PITPNC1: variants seen among roughly 807,000 people sequenced by gnomAD.
The protein encoded by PITPNC1 is cytoplasmic phosphatidylinositol transfer protein 1.
A neutral mutation model predicts 44.7 loss-of-function variants in PITPNC1; 18 were observed. The ratio of observed to expected loss-of-function variants is 0.40; its 90% confidence interval spans 0.28 to 0.60. The LOEUF (loss-of-function observed/expected upper bound fraction) is 0.60. Among genes scored for constraint, PITPNC1 ranks in the 20% least tolerant of loss-of-function variants. The pLI is 0.39. For missense variants in PITPNC1, 290 were observed against 418.4 expected, an observed-to-expected ratio of 0.69 and a Z score of 2.68; for synonymous variants, 141 against 149.6, an observed-to-expected ratio of 0.94 and a Z score of 0.42.
chr17:67,590,114 C>G (rs1335114259), intron 5 of PITPNC1, among the ~76,000 whole-genome samples: 2 of 152,136 alleles, frequency 1.3e-5, no homozygotes, highest in Non-Finnish European at 2.9e-5. Flanking sequence ...GGGAGTATAC[C>G]TTTTTGAATC....
chr17:67,484,291 G>A (rs1036558536), intron 1 of PITPNC1, among the ~76,000 whole-genome samples: 1 of 152,122 alleles, frequency 6.6e-6, no homozygotes, highest in Non-Finnish European at 1.5e-5. Context: ...GAGAGTTGTT[G>A]TTGGTTCCTA....
chr17:67,584,395 C>T (rs2041281561), intron 5 of PITPNC1, among the ~76,000 whole-genome samples: 1 of 152,120 alleles, frequency 6.6e-6, no homozygotes, highest in Non-Finnish European at 1.5e-5. Flanking sequence ...TCCTTGGAAG[C>T]TGCCTAAAAG....
intron 5 of PITPNC1, among the ~76,000 whole-genome samples, chr17:67,581,758 G>A (rs1483062257): frequency 1.3e-5 from 2 of 152,230 alleles, no homozygotes; most frequent in Non-Finnish European, 2.9e-5. Context: ...TTGCGCCGAG[G>A]CACGGTGGCT....
At chr17:67,422,290 A>G (rs1233880031) in intron 1 of PITPNC1, among the ~76,000 whole-genome samples, 3 of 152,220 alleles carry the variant, frequency 2.0e-5, no homozygotes, top group Non-Finnish European at 2.9e-5. Context: ...TGAGTGGCAT[A>G]TGGAGAGACA....
chr17:67,504,384 T>C (rs1279011905), intron 1 of PITPNC1, among the ~76,000 whole-genome samples: 1 of 152,188 alleles, frequency 6.6e-6, no homozygotes, highest in Non-Finnish European at 1.5e-5. Flanking sequence ...GCAAAACAGG[T>C]CTTATCTAAA....
chr17:67,614,214 T>C (rs1240621311), intron 5 of PITPNC1, among the ~76,000 whole-genome samples: 1 of 152,062 alleles, frequency 6.6e-6, no homozygotes, highest in Non-Finnish European at 1.5e-5. Context: ...GAAGTGGGCT[T>C]TCCCTACTTT....
chr17:67,540,069 C>CATTTTATTTTATTTTATTTT (rs60946208), intron 2 of PITPNC1, among the ~76,000 whole-genome samples: 1 of 144,216 alleles, frequency 6.9e-6, no homozygotes, highest in East Asian at 2.1e-4. Context: ...GTATCTACTA[C>CATTTTATTTTATTTTATTTT]ATTTTATTTT....
intron 6 of PITPNC1, 117 bp downstream of exon 6, chr17:67,632,355 G>C (rs2041981535): frequency 1.5e-6 from 1 of 672,918 alleles, no homozygotes; most frequent in Non-Finnish European, 2.6e-6. Flanking sequence ...GATTCAATTT[G>C]CTTTCGTATC....
chr17:67,599,034 A>G (rs1237325790), intron 5 of PITPNC1, among the ~76,000 whole-genome samples: 1 of 35,688 alleles, frequency 2.8e-5, no homozygotes, highest in Non-Finnish European at 4.9e-5. Context: ...ATATATATAT[A>G]TTTTTTTTTT....
chr17:67,589,967 CAAAAG>C (rs1426081687), intron 5 of PITPNC1, among the ~76,000 whole-genome samples: 3 of 150,180 alleles, frequency 2.0e-5, no homozygotes, highest in Non-Finnish European at 4.4e-5. Flanking sequence ...GACTCTGTCT[CAAAAG>C]GAAAGGAAAG....
At chr17:67,465,950 A>T (rs2039420179) in intron 1 of PITPNC1, among the ~76,000 whole-genome samples, 1 of 144,536 alleles carries the variant, frequency 6.9e-6, no homozygotes, top group Non-Finnish European at 1.5e-5. Flanking sequence ...CATGACTTGC[A>T]TCACAGAGCT....
At chr17:67,386,541 C>T (rs1339258808) in intron 1 of PITPNC1, among the ~76,000 whole-genome samples, 4 of 152,152 alleles carry the variant, frequency 2.6e-5, no homozygotes, top group Non-Finnish European at 5.9e-5. Flanking sequence ...AAGAGCTTCC[C>T]CTCTCCTAGG....
chr17:67,566,889 C>G (rs982654321), intron 4 of PITPNC1, among the ~76,000 whole-genome samples: 1 of 152,236 alleles, frequency 6.6e-6, no homozygotes, highest in Non-Finnish European at 1.5e-5. Flanking sequence ...CAGAGCTAGA[C>G]AGCCTGGCTT....
At chr17:67,679,496 T>C (rs1483507894) in intron 8 of PITPNC1, among the ~76,000 whole-genome samples, 2 of 152,228 alleles carry the variant, frequency 1.3e-5, no homozygotes, top group African/African-American at 4.8e-5. Flanking sequence ...TGGGTAGCTC[T>C]AGATGTCTTT....
chr17:67,409,362 G>C (rs1012102445), intron 1 of PITPNC1, among the ~76,000 whole-genome samples: 1 of 151,998 alleles, frequency 6.6e-6, no homozygotes, highest in East Asian at 1.9e-4. Flanking sequence ...GGGATTACAG[G>C]CGTGAGCCAC....
chr17:67,580,637 G>A lies in PITPNC1; in HGVS notation c.366+2380G>A, dbSNP rs939971878. Among the ~76,000 whole-genome samples the A allele has an allele frequency of 2.0e-5, 3 of 152,064 alleles. 1 individual carries two copies. The highest frequency in any genetic ancestry group is 7.2e-5 in the African/African-American group (3 of 41,414). On this transcript the variant is annotated intron_variant, in intron 5 of 8. Transcript: ENST00000581322. ...ATTACAAGCGTGAGCCACCATGCCT[G>A]GCTGGAAAAAAATTTTTTAAATATC...
At chr17:67,430,778 A>AG (rs1261524990) in intron 1 of PITPNC1, among the ~76,000 whole-genome samples, 1 of 150,240 alleles carries the variant, frequency 6.7e-6, no homozygotes, top group Non-Finnish European at 1.5e-5. Flanking sequence ...ACATAGTGAG[A>AG]CCCTGTCTCT....
intron 1 of PITPNC1, chr17:67,408,929 A>G (rs2038447399): frequency 6.6e-6 from 1 of 152,044 alleles, no homozygotes; most frequent in African/African-American, 2.4e-5. Context: ...CATCTAAGAA[A>G]ACATTCCTGA....
At chr17:67,689,214 TAAATAAATAAAGTA>T (rs985415816) in intron 8 of PITPNC1, among the ~76,000 whole-genome samples, 1 of 150,498 alleles carries the variant, frequency 6.6e-6, no homozygotes, top group African/African-American at 2.5e-5. Flanking sequence ...AATAAATAAA[TAAATAAATAAAGTA>T]AAATAAATAA....
Sources: allele counts gnomAD v4.1 joint callset (sites outside exome capture counted in the v4.1 genomes callset), GRCh38; gene constraint gnomAD v4.1.1; transcripts MANE v1.5; gene names NCBI Gene and HGNC (gene_info 2026-07-23, HGNC 2026-07-21).